The following ERC1 variants were observed in gnomAD, a reference collection of about 807,000 sequenced individuals.
ERC1 encodes the protein ELKS/RAB6-interacting/CAST family member 1.
Under a neutral mutation model 132.0 loss-of-function variants are expected in ERC1, and 56 were observed. The observed-to-expected ratio is 0.42, with a 90% confidence interval of 0.34 to 0.53. The LOEUF is 0.53. Among genes scored for constraint, ERC1 ranks in the 20% least tolerant of loss-of-function variants. The pLI is 0.03. For missense variants in ERC1, 1,202 were observed against 1,349.9 expected (o/e 0.89, Z 1.72); for synonymous variants, 478 against 476.1 (o/e 1.00, Z -0.05).
At chr12:1,289,714 A>T (rs2079302394) in intron 14 of ERC1, 138 bp from the exon 15 acceptor site, 2 of 627,910 alleles carry the variant, frequency 3.2e-6, no homozygotes, top group South Asian at 4.0e-5. Context: ...CACATAACTG[A>T]TCCAGAAAGA....
chr12:1,408,388 CTT>C (rs1382293223), intron 17 of ERC1, 141 bp downstream of exon 17: 1 of 553,808 alleles, frequency 1.8e-6, no homozygotes, highest in East Asian at 2.9e-5. Flanking sequence ...AAACTCTACT[CTT>C]TTCAAAAAAA....
intron 15 of ERC1, among the ~76,000 whole-genome samples, chr12:1,349,660 T>TAA (rs57752848): frequency 0.038 from 4,061 of 107,492 alleles, 246 homozygotes; most frequent in African/African-American, 0.13. Flanking sequence ...TGAGACCGTC[T>TAA]AAAAAAAAAA....
chr12:1,110,109 T>C (rs1945689934), intron 4 of ERC1, 83 bp from the exon 5 acceptor site: 1 of 1,170,928 alleles, frequency 8.5e-7, no homozygotes, highest in Non-Finnish European at 1.2e-6. Context: ...CTTTATTAAA[T>C]GTAACTTCTT....
At chr12:1,258,577 T>A (rs2076952564) in intron 13 of ERC1, among the ~76,000 whole-genome samples, 1 of 152,132 alleles carries the variant, frequency 6.6e-6, no homozygotes, top group South Asian at 2.1e-4. Context: ...TCACTCACTT[T>A]CAAGGAAGCT....
chr12:1,163,054 G>A (rs865994097), intron 8 of ERC1, among the ~76,000 whole-genome samples: 9 of 152,126 alleles, frequency 5.9e-5, no homozygotes, highest in Admixed American at 1.3e-4. Context: ...GGTAGCTAAG[G>A]AAATATACTC....
At chr12:1,174,989 G>A (rs184280365) in intron 8 of ERC1, among the ~76,000 whole-genome samples, 62 of 152,258 alleles carry the variant, frequency 4.1e-4, no homozygotes, top group Non-Finnish European at 4.9e-4. Context: ...GCTTCCCAGA[G>A]CATATAAAAA....
intron 12 of ERC1, among the ~76,000 whole-genome samples, chr12:1,220,766 C>A (rs1958902332): frequency 1.3e-5 from 2 of 152,142 alleles, no homozygotes; most frequent in South Asian, 4.1e-4. Flanking sequence ...GAAATATTTG[C>A]TCTCTGATCC....
At chr12:1,469,409 C>T (rs1029050974) in intron 18 of ERC1, among the ~76,000 whole-genome samples, 1 of 152,204 alleles carries the variant, frequency 6.6e-6, no homozygotes, top group African/African-American at 2.4e-5. Flanking sequence ...GGAGCTCACT[C>T]TCTCCCTTGG....
At chr12:1,198,974 C>T (rs59765841) in intron 12 of ERC1, among the ~76,000 whole-genome samples, 7,503 of 94,052 alleles carry the variant, frequency 0.08, 175 homozygotes, top group Middle Eastern at 0.11. Flanking sequence ...GACAAACCAC[C>T]GTCATGACCC....
At position 1,083,382 on chromosome 12, in the gene ERC1, G is replaced by A. The variant is rs1445823203; in HGVS notation, c.888G>A (p.Glu296=). ...TGGAGGAAATGGAGCTGCGTATTGA[G>A]ACTCAAAAGCAGACCCTAAATGCTC... ...KTLEEMELRI[E]TQKQTLNARD... The change falls in exon 3 of 19, where the codon GAG becomes GAA. Residue 296 remains glutamate (E), a synonymous_variant. Coordinates refer to ENST00000360905, the MANE Select transcript of ERC1 (RefSeq NM_178040.4). 6.2e-7 allele frequency: 1 copy of A among 1,614,028 alleles called. No homozygotes were observed. The highest frequency in any genetic ancestry group is 8.5e-7 in the Non-Finnish European group (1 of 1,180,030).
chr12:1,448,235 T>C (rs192719463), intron 18 of ERC1, among the ~76,000 whole-genome samples: 2 of 152,360 alleles, frequency 1.3e-5, no homozygotes, highest in East Asian at 3.9e-4. Context: ...ATTGAGAATG[T>C]ACTTCAGTTA....
intron 17 of ERC1, among the ~76,000 whole-genome samples, chr12:1,429,258 A>G (rs1003920921): frequency 6.6e-6 from 1 of 152,210 alleles, no homozygotes; most frequent in Admixed American, 6.5e-5. Flanking sequence ...TAAGTTATTA[A>G]GATTTTGCTG....
chr12:1,213,160 G>A (rs1958037017), intron 12 of ERC1, among the ~76,000 whole-genome samples: 1 of 151,946 alleles, frequency 6.6e-6, no homozygotes, highest in Non-Finnish European at 1.5e-5. Context: ...TTTTCTAGAT[G>A]TAAAATTATT....
At chr12:1,186,750 A>T (rs1438899365) in intron 11 of ERC1, among the ~76,000 whole-genome samples, 1 of 152,248 alleles carries the variant, frequency 6.6e-6, no homozygotes, top group Non-Finnish European at 1.5e-5. Flanking sequence ...TCATATTGAT[A>T]CCATGATAAG....
chr12:1,331,410 A>G (rs1170535250), intron 15 of ERC1, among the ~76,000 whole-genome samples: 6 of 152,174 alleles, frequency 3.9e-5, no homozygotes, highest in East Asian at 1.9e-4. Flanking sequence ...TTATCCATCT[A>G]CTTACTTATT....
chr12:1,409,635 G>A (rs1468289809), intron 17 of ERC1, among the ~76,000 whole-genome samples: 1 of 152,114 alleles, frequency 6.6e-6, no homozygotes, highest in Admixed American at 6.5e-5. Flanking sequence ...AAAATCCATG[G>A]TTGCTCAAGT....
At chr12:1,274,086 A>G (rs2078073119) in intron 14 of ERC1, among the ~76,000 whole-genome samples, 1 of 152,202 alleles carries the variant, frequency 6.6e-6, no homozygotes, top group Non-Finnish European at 1.5e-5. Flanking sequence ...GCTTAAAGTT[A>G]TGACGTGAGT....
intron 2 of ERC1, among the ~76,000 whole-genome samples, chr12:1,042,739 G>A (rs531410096): frequency 6.6e-6 from 1 of 152,114 alleles, no homozygotes; most frequent in South Asian, 2.1e-4. Flanking sequence ...TGGGAACTAA[G>A]TTTGTTTTAT....
rs779732035 is a variant in ERC1 at position 1,099,835 on chromosome 12, ATTTTTTTTTTTTTTTT to A, written c.1087-4898_1087-4883del. Reference sequence around the variant, plus strand: ...AAGGATGAGCCTGCTTGAGACTTTGATTTTTTTTTTTTTTTTTTTTTTTTTTTTTTTTGACAGAGTC... The same window carrying A: ...AAGGATGAGCCTGCTTGAGACTTTGATTTTTTTTTTTTTTTTGACAGAGTC... On this transcript the variant is annotated intron_variant, in intron 3 of 18. Transcript: ENST00000360905. 7.9e-3 allele frequency among the ~76,000 whole-genome samples: 430 copies of A among 54,406 alleles called. 3 individuals carry two copies. The highest frequency in any genetic ancestry group is 0.029 in the African/African-American group (387 of 13,564). The allele number at this position is 54,406 out of a possible 152,430, so 35.7% of individuals were successfully genotyped here.
Sources: allele counts gnomAD v4.1 joint callset (sites outside exome capture counted in the v4.1 genomes callset), GRCh38; gene constraint gnomAD v4.1.1; transcripts MANE v1.5; gene names NCBI Gene and HGNC (gene_info 2026-07-23, HGNC 2026-07-21).